CCDC178: variants seen among roughly 807,000 people sequenced by gnomAD.
The protein encoded by CCDC178 is coiled-coil domain-containing protein 178.
Under a neutral mutation model 117.4 loss-of-function variants are expected in CCDC178, and 126 were observed. That is an observed-to-expected ratio of 1.07 (90% CI 0.93 to 1.24). The LOEUF (loss-of-function observed/expected upper bound fraction) is 1.24, where lower values mean the gene tolerates loss of function less well. Ranked by LOEUF, CCDC178 falls within the 50% of genes most tolerant of loss-of-function variation. CCDC178 has a pLI of 0.00. For missense variants in CCDC178, 1,030 were observed against 986.9 expected, an observed-to-expected ratio of 1.04 and a Z score of -0.59; for synonymous variants, 283 against 313.4, an observed-to-expected ratio of 0.90 and a Z score of 1.02.
Position 33,084,524 on chromosome 18 carries a change from G to T in CCDC178, c.2388+8237C>A, listed in dbSNP as rs1364570331. 6.6e-5 allele frequency among the ~76,000 whole-genome samples: 10 copies of T among 152,096 alleles called. 1 individual carries two copies. The South Asian group carries it at 1.9e-3, about 28-fold the overall frequency. On this transcript the variant is annotated intron_variant, in intron 21 of 22. Coordinates refer to ENST00000383096, the MANE Select transcript of CCDC178 (RefSeq NM_001105528.4). ...TTGGTGTTTGGTGGTATAAGATTCGGATTAACGGCCGAGCACAGTGGCTCA... is the reference window on the plus strand; with the variant it reads ...TTGGTGTTTGGTGGTATAAGATTCGTATTAACGGCCGAGCACAGTGGCTCA...
intron 18 of CCDC178, among the ~76,000 whole-genome samples, chr18:33,218,245 T>C (rs1035235720): frequency 4.6e-5 from 7 of 152,278 alleles, no homozygotes; most frequent in Admixed American, 3.3e-4. Context: ...TGCTTAAATG[T>C]CTTCCTTTGA....
At chr18:32,989,293 G>C (rs1012896747) in intron 21 of CCDC178, among the ~76,000 whole-genome samples, 1 of 152,024 alleles carries the variant, frequency 6.6e-6, no homozygotes, top group South Asian at 2.1e-4. Flanking sequence ...TTCTAGGAAC[G>C]CAAGACTTAA....
chr18:33,071,171 G>A (rs1027250561), intron 21 of CCDC178, among the ~76,000 whole-genome samples: 5 of 152,000 alleles, frequency 3.3e-5, no homozygotes, highest in African/African-American at 1.2e-4. Context: ...TTTTAGGAGC[G>A]AGTAGTCATT....
intron 21 of CCDC178, among the ~76,000 whole-genome samples, chr18:32,988,722 T>A (rs1329044860): frequency 1.3e-5 from 2 of 151,856 alleles, no homozygotes; most frequent in African/African-American, 4.8e-5. Context: ...CAATAAACTA[T>A]GCAAACTTCC....
chr18:33,170,575 G>A (rs928082178), intron 20 of CCDC178, among the ~76,000 whole-genome samples: 5 of 151,954 alleles, frequency 3.3e-5, no homozygotes, highest in Non-Finnish European at 5.9e-5. Flanking sequence ...TCCTATCACT[G>A]TATACATATT....
intron 14 of CCDC178, among the ~76,000 whole-genome samples, chr18:33,246,100 G>A (rs2059545834): frequency 1.3e-5 from 2 of 151,780 alleles, no homozygotes. Flanking sequence ...AAAACTTTGT[G>A]CTTCTAAAAA....
intron 15 of CCDC178, 40 bp from the exon 16 acceptor site, chr18:33,226,895 T>C (rs765138709): frequency 8.8e-7 from 1 of 1,134,984 alleles, no homozygotes; most frequent in Non-Finnish European, 1.3e-6. Context: ...ATTTTCTTCA[T>C]AAAACATCAA....
At chr18:33,007,219 T>C (rs1454727072) in intron 21 of CCDC178, among the ~76,000 whole-genome samples, 12 of 151,996 alleles carry the variant, frequency 7.9e-5, no homozygotes, top group Admixed American at 7.9e-4. Flanking sequence ...TATCATTTTC[T>C]ACGCAACAAC....
chr18:33,312,698 G>A lies in CCDC178; in HGVS notation c.1022+10793C>T, dbSNP rs554008615. On this transcript the variant is annotated intron_variant, in intron 11 of 22. Transcript: ENST00000383096. ...ACAGAAAGTTAACCTTTGTGCACCC[G>A]CTAACCATTTGGGCTTCCCATCAGA... Among the ~76,000 whole-genome samples the A allele has an allele frequency of 1.4e-4, 21 of 152,198 alleles. 1 individual carries two copies. In the South Asian group the frequency reaches 4.2e-3, roughly 30 times the overall value.
At position 33,314,023 on chromosome 18, in the gene CCDC178, A is replaced by T. The variant is rs1369125107; in HGVS notation, c.1022+9468T>A. On this transcript the variant is annotated intron_variant, in intron 11 of 22. Coordinates refer to ENST00000383096, the MANE Select transcript of CCDC178 (RefSeq NM_001105528.4). ...AGACCATCCCGGCTAAAACGGTGAA[A>T]TCCCGTCTCTACTAAAAATACAAAA... Among the ~76,000 whole-genome samples, 26 of 150,130 alleles carry T rather than the reference A, an allele frequency of 1.7e-4. No individual in the cohort carries two copies. The East Asian group carries it at 4.5e-3, about 26-fold the overall frequency.
At chr18:33,426,168 T>G (rs909530258) in intron 2 of CCDC178, among the ~76,000 whole-genome samples, 1 of 152,220 alleles carries the variant, frequency 6.6e-6, no homozygotes, top group Admixed American at 6.5e-5. Context: ...CTCAGGTTCC[T>G]GAAGTGCTGG....
chr18:33,055,429 TG>T (rs2056813682), intron 21 of CCDC178, among the ~76,000 whole-genome samples: 2 of 151,042 alleles, frequency 1.3e-5, no homozygotes. Context: ...CCCAATCTTC[TG>T]GGATCAACGG....
chr18:33,036,722 A>G (rs2056452205), intron 21 of CCDC178, among the ~76,000 whole-genome samples: 1 of 152,110 alleles, frequency 6.6e-6, no homozygotes, highest in African/African-American at 2.4e-5. Flanking sequence ...AGAGTCTGGC[A>G]GAGGCCAGAT....
At chr18:32,971,806 C>T (rs1170067696) in intron 22 of CCDC178, among the ~76,000 whole-genome samples, 2 of 152,102 alleles carry the variant, frequency 1.3e-5, no homozygotes, top group African/African-American at 4.8e-5. Context: ...CGTTTGTTAA[C>T]CGCATAAATG....
intron 14 of CCDC178, among the ~76,000 whole-genome samples, chr18:33,265,875 T>C (rs1009653884): frequency 1.3e-5 from 2 of 151,992 alleles, no homozygotes; most frequent in African/African-American, 4.8e-5. Context: ...GACGATAGCT[T>C]GTACTAGATT....
At chr18:33,229,156 CAT>C (rs2059342242) in intron 15 of CCDC178, among the ~76,000 whole-genome samples, 1 of 152,170 alleles carries the variant, frequency 6.6e-6, no homozygotes, top group Non-Finnish European at 1.5e-5. Flanking sequence ...TGGACAGAAA[CAT>C]AGGCTGAGCT....
At chr18:33,091,971 A>T (rs2057474149) in intron 21 of CCDC178, among the ~76,000 whole-genome samples, 1 of 152,186 alleles carries the variant, frequency 6.6e-6, no homozygotes, top group African/African-American at 2.4e-5. Flanking sequence ...TAATAGCCGT[A>T]AGTATAGCAC....
At chr18:32,996,247 T>G (rs1485604969) in intron 21 of CCDC178, among the ~76,000 whole-genome samples, 1 of 151,846 alleles carries the variant, frequency 6.6e-6, no homozygotes, top group Non-Finnish European at 1.5e-5. Flanking sequence ...AGTAATAAAG[T>G]TACAAAACTT....
At chr18:33,144,949 TA>T in intron 20 of CCDC178, among the ~76,000 whole-genome samples, 1 of 152,142 alleles carries the variant, frequency 6.6e-6, no homozygotes, top group Non-Finnish European at 1.5e-5. Flanking sequence ...ATTAGTAAGT[TA>T]TTGATAACAC....
Sources: gnomAD v4.1 joint callset for allele counts (sites outside exome capture counted in the v4.1 genomes callset) on GRCh38, gnomAD v4.1.1 for gene constraint, MANE v1.5 for transcripts, NCBI Gene and HGNC (gene_info 2026-07-23, HGNC 2026-07-21) for gene names.